The following SEMA3G variants were observed in gnomAD, a reference collection of about 807,000 sequenced individuals.
The protein encoded by SEMA3G is semaphorin 3G.
SEMA3G carries 70 observed loss-of-function variants against 86.2 expected under a neutral mutation model. The ratio of observed to expected loss-of-function variants is 0.81; its 90% CI spans 0.67 to 0.99. The LOEUF (loss-of-function observed/expected upper bound fraction) is 0.99, where lower values mean the gene tolerates loss of function less well. SEMA3G is among the 50% of genes least tolerant of loss of function. The pLI is 0.00. For missense variants in SEMA3G, 1,002 were observed against 1,072.4 expected (o/e 0.93, Z 0.92); for synonymous variants, 416 against 441.4 (o/e 0.94, Z 0.72).
In SEMA3G at chr3:52,433,857, C is replaced by T. The variant is rs1347391991; in HGVS notation, c.*1746G>A. 1 of 152,542 alleles carries T rather than the reference C, an allele frequency of 6.6e-6. No homozygotes were observed. The highest frequency in any genetic ancestry group is 1.5e-5 in the Non-Finnish European group (1 of 68,270). 9.4% of individuals were successfully genotyped at this position (152,542 alleles called of 1,614,324 possible). A position where few individuals can be genotyped will look rare whatever the true frequency, so the allele number is the denominator to read the frequency against. ...GCTCTTCAGCCCCCATCCTTTCCTC[C>T]TCTCCTCCTCTGCCTTGACCAGCTG... On this transcript the variant is annotated 3_prime_UTR_variant, in exon 16 of 16. Coordinates refer to ENST00000231721, the MANE Select transcript of SEMA3G (RefSeq NM_020163.3).
In SEMA3G at chr3:52,444,979, G is replaced by A; in HGVS notation, c.49C>T (p.Leu17Phe). ...AICWLLGGLL[L>F]HGGSSGPSPG... is the part of the protein sequence containing the mutation. Reference sequence around the variant, plus strand: ...CTGGGGCCAGAGCTACCCCCATGGAGCAGGAGGCCCCCTAGCAGCCAGCAA... The same window carrying A: ...CTGGGGCCAGAGCTACCCCCATGGAACAGGAGGCCCCCTAGCAGCCAGCAA... Residue 17 changes from leucine (L) to phenylalanine (F), a missense_variant, in exon 1 of 16, where the codon CTC (leucine) becomes TTC (phenylalanine). Coordinates refer to ENST00000231721, the MANE Select transcript of SEMA3G (RefSeq NM_020163.3). The A allele has an allele frequency of 2.3e-6, 3 of 1,293,918 alleles. No homozygotes were observed. Among genetic ancestry groups the A allele is most frequent in the South Asian group, 2.7e-5 (1 of 37,088 alleles). 80.2% of individuals were successfully genotyped at this position (1,293,918 alleles called of 1,614,324 possible).
Position 52,435,220 on chromosome 3 carries a change from C to T in SEMA3G, c.*383G>A. ...GGGATACCCCCTAGACGCACCCACA[C>T]ACCCACTCTGAGGGTCACTCAGAAT... is the stretch of plus-strand genomic sequence containing the variant. On this transcript the variant is annotated 3_prime_UTR_variant, in exon 16 of 16. Transcript: ENST00000231721. 3.9e-6 allele frequency: 1 copy of T among 253,896 alleles called. No homozygotes were observed. The highest frequency in any genetic ancestry group is 7.7e-6 in the Non-Finnish European group (1 of 130,382). The allele number at this position is 253,896 out of a possible 1,614,324, so 15.7% of individuals were successfully genotyped here. A position where few individuals can be genotyped will look rare whatever the true frequency, so the allele number is the denominator to read the frequency against.
chr3:52,443,707 C>T (rs77182793), intron 1 of SEMA3G, among the ~76,000 whole-genome samples: 1,955 of 152,320 alleles, frequency 0.013, 36 homozygotes, highest in African/African-American at 0.044. Context: ...GGGAAGCCCT[C>T]CATGGATGAC....
chr3:52,435,885 T>A lies in SEMA3G; in HGVS notation c.2067A>T (p.Pro689=). The change falls in exon 16 of 16, where the codon CCA becomes CCT. Residue 689 remains proline (P), a synonymous_variant. Coordinates refer to ENST00000231721, the MANE Select transcript of SEMA3G (RefSeq NM_020163.3). ...GGCCTCCCCGGGCTGGGGGCTCCTC[T>A]GGCTTTGGCTCCGGAGGGAACAGGT... ...LDNLFPPEPK[P]EEPPARGGLA... 1 of 1,614,070 alleles carries A rather than the reference T, an allele frequency of 6.2e-7. No homozygotes were observed.
chr3:52,439,974 C>G lies in SEMA3G; in HGVS notation c.1268G>C (p.Gly423Ala). Residue 423 changes from glycine (G) to alanine (A), a missense_variant, in exon 11 of 16, where the codon GGC becomes GCC. Coordinates refer to ENST00000231721, the MANE Select transcript of SEMA3G (RefSeq NM_020163.3). ...GTGGGTCTTGACAAGGACAGGGCGG[C>G]CATGTCGAGGCCGCACAGGCCAGAA... ...LMFWPVRPRHGRPVLVKTHLA... is the reference protein window; with the variant it reads ...LMFWPVRPRHARPVLVKTHLA... 6.2e-7 allele frequency: 1 copy of G among 1,613,742 alleles called. No homozygotes were observed. The highest frequency in any genetic ancestry group is 8.5e-7 in the Non-Finnish European group (1 of 1,179,980).
At chr3:52,439,441 T>C (rs902840166) in intron 12 of SEMA3G, among the ~76,000 whole-genome samples, 1 of 152,102 alleles carries the variant, frequency 6.6e-6, no homozygotes, top group African/African-American at 2.4e-5. Flanking sequence ...CACTTTCAGC[T>C]CACAGGCTGT....
chr3:52,441,315 G>A lies in SEMA3G; in HGVS notation c.762C>T (p.Pro254=), dbSNP rs1174523845. ...CAGTGACATGGTTCGAGCCACCATCGGGCGAGGGGACCGTCTCCGAGAAGA... is the reference window on the plus strand; with the variant it reads ...CAGTGACATGGTTCGAGCCACCATCAGGCGAGGGGACCGTCTCCGAGAAGA... ...YFFFSETVPS[P]DGGSNHVTVS... The change falls in exon 7 of 16, where the codon CCC becomes CCT. Residue 254 remains proline, a synonymous_variant. Coordinates refer to ENST00000231721, the MANE Select transcript of SEMA3G (RefSeq NM_020163.3). The A allele has an allele frequency of 1.4e-5, 22 of 1,613,622 alleles. No homozygotes were observed. Among genetic ancestry groups the A allele is most frequent in the Non-Finnish European group, 1.8e-5 (21 of 1,180,052 alleles).
Position 52,442,358 on chromosome 3 carries a change from C to T in SEMA3G, c.340-54G>A, listed in dbSNP as rs945072972. ...GGGTGAGAGGGGGTGCCCACCATCT[C>T]CTTGGGGCCCAAGGCTCAGCCCTGT... On this transcript the variant is annotated intron_variant, in intron 3 of 15. Transcript: ENST00000231721. This position sits in a 1 kb window ranked among gnomAD's most constrained non-coding sequence, Gnocchi z 6.1. 6.3e-7 allele frequency: 1 copy of T among 1,588,034 alleles called. No homozygotes were observed. The highest frequency in any genetic ancestry group is 8.6e-7 in the Non-Finnish European group (1 of 1,162,842).
In SEMA3G at chr3:52,435,265, G is replaced by A. The variant is rs566826970; in HGVS notation, c.*338C>T. The A allele has an allele frequency of 5.7e-6, 2 of 349,056 alleles. No individual in the cohort carries two copies. Among genetic ancestry groups the A allele is most frequent in the Middle Eastern group, 8.5e-4 (1 of 1,178 alleles). 21.6% of individuals were successfully genotyped at this position (349,056 alleles called of 1,614,324 possible). On this transcript the variant is annotated 3_prime_UTR_variant, in exon 16 of 16. Transcript: ENST00000231721. The stretch of plus-strand genomic sequence containing the variant: ...CAGAATGGCCATTGTTCTGTAGGCT[G>A]GGAAAGAACCACCCAACCCTCTTGC...
At chr3:52,439,564 T>A in intron 12 of SEMA3G, 116 bp downstream of exon 12, 1 of 804,152 alleles carries the variant, frequency 1.2e-6, no homozygotes, top group Non-Finnish European at 2.1e-6. Context: ...TCCTGCCAGC[T>A]GCAAATTCAG....
chr3:52,442,790 AG>A lies in SEMA3G; in HGVS notation c.232del (p.Leu78SerfsTer36). On this transcript the variant is annotated frameshift_variant, in exon 2 of 16. Transcript: ENST00000231721. LOFTEE classifies it high-confidence loss of function. The surrounding 1 kb of genome is among the most constrained non-coding windows in gnomAD (Gnocchi z 6.1). ...TGCCTGGTCCAGCCGCAGAGAGTAG[AG>A]GGCGTCCAGGCCACCCAGAAAGAGG... ...DRLFLGGLDALYSLRLDQAWP... is the reference protein window; with the variant it reads ...DRLFLGGLDAXYSLRLDQAWP... 6.2e-7 allele frequency: 1 copy of A among 1,613,950 alleles called. No individual in the cohort carries two copies. Among genetic ancestry groups the A allele is most frequent in the South Asian group, 1.1e-5 (1 of 91,064 alleles).
chr3:52,441,892 C>G lies in SEMA3G; in HGVS notation c.477G>C (p.Glu159Asp), dbSNP rs929702541. 3 of 1,576,938 alleles carry G rather than the reference C, an allele frequency of 1.9e-6. No individual in the cohort carries two copies. Among genetic ancestry groups the G allele is most frequent in the East Asian group, 4.6e-5 (2 of 43,686 alleles). Residue 159 changes from glutamate to aspartate, a missense_variant, in exon 5 of 16, where the codon GAG becomes GAC. Physicochemically the swap from Glu to Asp is conservative, Grantham distance 45 (BLOSUM62 2). Transcript: ENST00000231721. ...GHRGEHVLHL[E>D]PGSVESGRGR... ...CCCGGCCACTTTCCACACTGCCAGG[C>G]TCCAGGTGGAGCACATGCTAGTGGG...
Position 52,437,966 on chromosome 3 carries a change from C to G in SEMA3G, c.1738+5G>C, listed in dbSNP as rs1158156047. Reference sequence around the variant, plus strand: ...GTCTGGGCCCTCCCACCTGCCACCACTCACCTTCCTGGCTCTGGCCCAGGC... The same window carrying G: ...GTCTGGGCCCTCCCACCTGCCACCAGTCACCTTCCTGGCTCTGGCCCAGGC... On this transcript the variant is annotated splice_donor_5th_base_variant and intron_variant, in intron 14 of 15. Coordinates refer to ENST00000231721, the MANE Select transcript of SEMA3G (RefSeq NM_020163.3). 2.5e-6 allele frequency: 4 copies of G among 1,611,134 alleles called. No individual in the cohort carries two copies. Among genetic ancestry groups the G allele is most frequent in the Non-Finnish European group, 3.4e-6 (4 of 1,179,294 alleles).
intron 13 of SEMA3G, chr3:52,438,643 G>T: frequency 6.1e-6 from 6 of 985,506 alleles, no homozygotes; most frequent in Non-Finnish European, 7.2e-6. Flanking sequence ...AAGTGGCCTT[G>T]TTGGACTTAA....
In SEMA3G at chr3:52,438,903, G is replaced by A. The variant is rs940921723; in HGVS notation, c.1509+17C>T. On this transcript the variant is annotated intron_variant, in intron 13 of 15. Coordinates refer to ENST00000231721, the MANE Select transcript of SEMA3G (RefSeq NM_020163.3). Reference sequence around the variant, plus strand: ...GGCAGAAGGGGGGTCCAAGAGGAGGGTGGCAGCTGTTCTTACCCTTTTGAC... The same window carrying A: ...GGCAGAAGGGGGGTCCAAGAGGAGGATGGCAGCTGTTCTTACCCTTTTGAC... 1.9e-6 allele frequency: 3 copies of A among 1,612,864 alleles called. No individual in the cohort carries two copies. Among genetic ancestry groups the A allele is most frequent in the Non-Finnish European group, 2.5e-6 (3 of 1,179,420 alleles).
At position 52,439,989 on chromosome 3, in the gene SEMA3G, A is replaced by G. The variant is rs761164833; in HGVS notation, c.1253T>C (p.Val418Ala). ...ARAHPLMFWP[V>A]RPRHGRPVLV... ...GACAGGGCGGCCATGTCGAGGCCGC[A>G]CAGGCCAGAACATGAGGGGGTGGGC... The change falls in exon 11 of 16, where the codon GTG becomes GCG. Residue 418 changes from valine to alanine, a missense_variant. Physicochemically the swap from Val to Ala is moderately conservative, Grantham distance 64. Transcript: ENST00000231721. The G allele has an allele frequency of 3.4e-5, 55 of 1,613,350 alleles. No homozygotes were observed. The highest frequency in any genetic ancestry group is 4.7e-5 in the Non-Finnish European group (55 of 1,179,802).
In SEMA3G at chr3:52,441,267, G is replaced by T; in HGVS notation, c.810C>A (p.Cys270Ter). ...HVTVSRVGRV[C>*]VNDAGGQRVL... ...ACCACCCCTTCCCAGCTCTTACCAC[G>T]CAGACGCGGCCCACGCGGCTGACAG... The change falls in exon 7 of 16, where the codon TGC becomes TGA. Residue 270 changes from cysteine (C) to a stop codon, truncating the protein, a stop_gained. Transcript: ENST00000231721. LOFTEE classifies it high-confidence loss of function. 1 of 1,612,882 alleles carries T rather than the reference G, an allele frequency of 6.2e-7. No homozygotes were observed.
Position 52,436,007 on chromosome 3 carries a change from C to G in SEMA3G, c.1945G>C (p.Asp649His). 2 of 1,613,716 alleles carry G rather than the reference C, an allele frequency of 1.2e-6. No homozygotes were observed. Among genetic ancestry groups the G allele is most frequent in the South Asian group, 1.1e-5 (1 of 91,082 alleles). Residue 649 changes from aspartate to histidine, a missense_variant, in exon 16 of 16, where the codon GAT becomes CAT. Physicochemically the swap from Asp to His is moderately conservative, Grantham distance 81. Coordinates refer to ENST00000231721, the MANE Select transcript of SEMA3G (RefSeq NM_020163.3). Reference sequence around the variant, plus strand: ...GTGGTGCAGGTGTAGGTGCCCGCATCGAAACGGCTAAGCCTGCGGAACAGC... The same window carrying G: ...GTGGTGCAGGTGTAGGTGCCCGCATGGAAACGGCTAAGCCTGCGGAACAGC... ...GLLFRRLSRFDAGTYTCTTLE... is the reference protein window; with the variant it reads ...GLLFRRLSRFHAGTYTCTTLE...
Position 52,435,555 on chromosome 3 carries a change from G to A in SEMA3G, c.*48C>T. 1 of 1,539,400 alleles carries A rather than the reference G, an allele frequency of 6.5e-7. No homozygotes were observed. The highest frequency in any genetic ancestry group is 8.8e-7 in the Non-Finnish European group (1 of 1,132,918). On this transcript the variant is annotated 3_prime_UTR_variant, in exon 16 of 16. Transcript: ENST00000231721. The stretch of plus-strand genomic sequence containing the variant: ...GGGTGGGTGGGAGATGCTGGGGGCT[G>A]CTAGTGGGCCCCCCAGCCCATCCTG...
Sources: allele counts gnomAD v4.1 joint callset (sites outside exome capture counted in the v4.1 genomes callset), GRCh38; gene constraint gnomAD v4.1.1; non-coding constraint Gnocchi (gnomAD v3.1); transcripts MANE v1.5; gene names NCBI Gene and HGNC (gene_info 2026-07-23, HGNC 2026-07-21).